Variants in FGD6 observed in about 807,000 individuals in gnomAD.
FGD6 encodes FYVE, RhoGEF and PH domain containing 6.
FGD6 carries 90 observed loss-of-function variants against 149.4 expected under a neutral mutation model. The observed-to-expected ratio is 0.60, with a 90% CI of 0.51 to 0.72. FGD6 has a LOEUF of 0.72. FGD6 is among the 30% of genes least tolerant of loss of function. The probability of loss-of-function intolerance (pLI) is 0.00; values close to 1 mark genes in which losing one functional copy is unlikely to be tolerated. For synonymous variants in FGD6, 527 were observed against 584.0 expected (o/e 0.90, Z 1.41); for missense variants, 1,437 against 1,684.8 (o/e 0.85, Z 2.57).
At chr12:95,215,616 C>T (rs1378337410) in intron 1 of FGD6, among the ~76,000 whole-genome samples, 1 of 152,046 alleles carries the variant, frequency 6.6e-6, no homozygotes, top group South Asian at 2.1e-4. Context: ...CAGGAAGTGT[C>T]CCACTTTAAA....
intron 2 of FGD6, among the ~76,000 whole-genome samples, chr12:95,202,149 G>C (rs1243262630): frequency 6.6e-6 from 1 of 151,970 alleles, no homozygotes; most frequent in Non-Finnish European, 1.5e-5. Context: ...CAACACTTTG[G>C]GAGGCCGAGG....
At chr12:95,161,023 T>G (rs777232004) in intron 3 of FGD6, among the ~76,000 whole-genome samples, 1 of 149,868 alleles carries the variant, frequency 6.7e-6, no homozygotes, top group Non-Finnish European at 1.5e-5. Flanking sequence ...CCACCAAAAA[T>G]ACAAAAATTA....
intron 1 of FGD6, among the ~76,000 whole-genome samples, chr12:95,212,956 C>T (rs999430411): frequency 7.9e-5 from 12 of 152,146 alleles, no homozygotes; most frequent in Non-Finnish European, 1.2e-4. Context: ...ATAATGTCAT[C>T]ATCAATAAAA....
At chr12:95,118,955 G>A (rs537946709) in intron 8 of FGD6, among the ~76,000 whole-genome samples, 1 of 152,304 alleles carries the variant, frequency 6.6e-6, no homozygotes, top group East Asian at 1.9e-4. Context: ...GCTTGGCGAA[G>A]TGGTCAAGAG....
chr12:95,137,285 A>G (rs937977180), intron 7 of FGD6, among the ~76,000 whole-genome samples: 1 of 152,208 alleles, frequency 6.6e-6, no homozygotes, highest in Non-Finnish European at 1.5e-5. Flanking sequence ...GTCTCAAAAA[A>G]AAAATTCTTT....
In FGD6 at chr12:95,185,845, C is replaced by T. The variant is rs925288612; in HGVS notation, c.2442-13101G>A. ...CATTGCACTCCAGCCTGGGCAACAG[C>T]GCAAGACTCCATCTCAAAAATAAAA... On this transcript the variant is annotated intron_variant, in intron 2 of 20. Coordinates refer to ENST00000343958, the MANE Select transcript of FGD6 (RefSeq NM_018351.4). Among the ~76,000 whole-genome samples, 4 of 151,902 alleles carry T rather than the reference C, an allele frequency of 2.6e-5. No homozygotes were observed. In the South Asian group the frequency reaches 8.3e-4, roughly 32 times the overall value.
At chr12:95,164,660 A>AC (rs1200636770) in intron 3 of FGD6, among the ~76,000 whole-genome samples, 1 of 152,032 alleles carries the variant, frequency 6.6e-6, no homozygotes, top group East Asian at 1.9e-4. Flanking sequence ...CGAACTTCTG[A>AC]CCTCAAGTGA....
intron 3 of FGD6, among the ~76,000 whole-genome samples, chr12:95,159,710 T>C (rs1412695986): frequency 2.6e-5 from 4 of 152,164 alleles, no homozygotes; most frequent in Non-Finnish European, 4.4e-5. Flanking sequence ...GGTGCACACA[T>C]GTAGTCCCAG....
chr12:95,213,055 T>A (rs550741733), intron 1 of FGD6, among the ~76,000 whole-genome samples: 2 of 151,036 alleles, frequency 1.3e-5, no homozygotes, highest in African/African-American at 4.9e-5. Flanking sequence ...GAGTTTTTTT[T>A]AGGCAGAAAA....
At chr12:95,181,281 T>C (rs552063357) in intron 2 of FGD6, among the ~76,000 whole-genome samples, 1 of 152,204 alleles carries the variant, frequency 6.6e-6, no homozygotes, top group Non-Finnish European at 1.5e-5. Flanking sequence ...CCGTCTCCCA[T>C]AGTTCTCCAT....
chr12:95,104,712 G>A (rs1238854156), intron 14 of FGD6, among the ~76,000 whole-genome samples: 1 of 152,028 alleles, frequency 6.6e-6, no homozygotes, highest in African/African-American at 2.4e-5. Flanking sequence ...CGAAGTCCTG[G>A]TATTACAGGG....
At chr12:95,194,318 C>A (rs929956586) in intron 2 of FGD6, among the ~76,000 whole-genome samples, 3 of 152,124 alleles carry the variant, frequency 2.0e-5, no homozygotes, top group Non-Finnish European at 4.4e-5. Flanking sequence ...TCACCACAAC[C>A]TCCACCTCCC....
chr12:95,113,331 C>T (rs1053197133), intron 9 of FGD6, among the ~76,000 whole-genome samples: 2 of 148,870 alleles, frequency 1.3e-5, no homozygotes, highest in African/African-American at 5.0e-5. Flanking sequence ...CTTCCGGGTT[C>T]AAGCAATTCT....
Position 95,209,430 on chromosome 12 carries a change from G to A in FGD6, c.1854C>T (p.Cys618=). 1 of 1,613,186 alleles carries A rather than the reference G, an allele frequency of 6.2e-7. No individual in the cohort carries two copies. Among genetic ancestry groups the A allele is most frequent in the Non-Finnish European group, 8.5e-7 (1 of 1,179,422 alleles). The change falls in exon 2 of 21, where the codon TGC becomes TGT. Residue 618 remains cysteine, a synonymous_variant. Transcript: ENST00000343958. The part of the protein sequence containing the change: ...AMDVEKCTKP[C]KDSTKKNSFK... ...AAGAGTTTTTCTTTGTAGAGTCTTT[G>A]CAAGGCTTAGTGCACTTTTCCACAT...
At chr12:95,125,582 G>C (rs1879313385) in intron 8 of FGD6, among the ~76,000 whole-genome samples, 1 of 152,202 alleles carries the variant, frequency 6.6e-6, no homozygotes, top group Admixed American at 6.5e-5. Context: ...GCTGCAGTAA[G>C]CCATGATCCT....
Position 95,174,927 on chromosome 12 carries a change from C to CAAAAAA in FGD6, c.2442-2189_2442-2184dup, listed in dbSNP as rs10687970. On this transcript the variant is annotated intron_variant, in intron 2 of 20. Transcript: ENST00000343958. ...GGGCGACAGAGTGAGACTCCATCTC[C>CAAAAAA]AAAAAAAAAAAAAAAAAAAAGAAAT... is the stretch of plus-strand genomic sequence containing the variant. Among the ~76,000 whole-genome samples the CAAAAAA allele has an allele frequency of 4.7e-3, 399 of 84,334 alleles. 1 individual carries two copies. Among genetic ancestry groups the CAAAAAA allele is most frequent in the African/African-American group, 9.6e-3 (182 of 18,868 alleles). The allele number at this position is 84,334 out of a possible 152,430, so 55.3% of individuals were successfully genotyped here.
chr12:95,146,497 C>A (rs979096759), intron 5 of FGD6, among the ~76,000 whole-genome samples: 1 of 152,102 alleles, frequency 6.6e-6, no homozygotes, highest in Non-Finnish European at 1.5e-5. Flanking sequence ...ATTTTTCACA[C>A]TGGAAAAGCT....
chr12:95,195,848 A>G (rs1881723128), intron 2 of FGD6, among the ~76,000 whole-genome samples: 2 of 148,822 alleles, frequency 1.3e-5, no homozygotes, highest in South Asian at 2.2e-4. Context: ...TGGAGATGCA[A>G]ACCTACACAT....
At chr12:95,101,685 T>C (rs1034442120) in intron 14 of FGD6, among the ~76,000 whole-genome samples, 2 of 142,366 alleles carry the variant, frequency 1.4e-5, no homozygotes, top group African/African-American at 2.6e-5. Flanking sequence ...AACTTTCTTT[T>C]TTTTTTTTTT....
Sources: gnomAD v4.1 joint callset for allele counts (sites outside exome capture counted in the v4.1 genomes callset) on GRCh38, gnomAD v4.1.1 for gene constraint, MANE v1.5 for transcripts, NCBI Gene and HGNC (gene_info 2026-07-23, HGNC 2026-07-21) for gene names.